The following ARMC2 variants were observed in gnomAD, a reference collection of about 807,000 sequenced individuals.
The protein encoded by ARMC2 is armadillo repeat containing 2, also known as armadillo repeat-containing protein 2.
ARMC2 carries 67 observed loss-of-function variants against 90.3 expected under a neutral mutation model. The observed-to-expected ratio is 0.74, with a 90% CI of 0.61 to 0.91. The LOEUF is 0.91. ARMC2 is among the 40% of genes least tolerant of loss of function. The probability of loss-of-function intolerance (pLI) is 0.00; values close to 1 mark genes in which losing one functional copy is unlikely to be tolerated. For missense variants in ARMC2, 920 were observed against 1,030.9 expected (o/e 0.89, Z 1.47); for synonymous variants, 393 against 393.0 (o/e 1.00, Z 0.00).
chr6:108,883,077 G>T (rs1467956159), intron 5 of ARMC2, among the ~76,000 whole-genome samples: 1 of 152,198 alleles, frequency 6.6e-6, no homozygotes, highest in African/African-American at 2.4e-5. Context: ...GCGGGCAAAT[G>T]GAAGAAAGTT....
chr6:108,938,285 T>A (rs1198697886), intron 12 of ARMC2, among the ~76,000 whole-genome samples: 1 of 152,194 alleles, frequency 6.6e-6, no homozygotes, highest in Non-Finnish European at 1.5e-5. Flanking sequence ...CTCTGTTTGT[T>A]ACTGACTAGC....
intron 12 of ARMC2, among the ~76,000 whole-genome samples, chr6:108,946,260 G>T (rs1212195460): frequency 6.6e-6 from 1 of 152,222 alleles, no homozygotes; most frequent in Non-Finnish European, 1.5e-5. Flanking sequence ...GTGACATTCA[G>T]AGGCATATCG....
At position 108,910,936 on chromosome 6, in the gene ARMC2, A is replaced by C. The variant is rs1464481133; in HGVS notation, c.1061A>C (p.Lys354Thr). ...VSRKNLLNVC[K>T]LIFKISRNEK... is the part of the protein sequence containing the mutation. ...AGAAAGAATCTTCTTAATGTCTGCA[A>C]ACTTATATTTAAAATTAGCAGGAAT... is the stretch of plus-strand genomic sequence containing the variant. Residue 354 changes from lysine (K) to threonine (T), a missense_variant, in exon 9 of 18, where the codon AAA becomes ACA. Lys to Thr is a moderately conservative substitution (Grantham distance 78). Transcript: ENST00000392644. The C allele has an allele frequency of 6.3e-7, 1 of 1,581,274 alleles. No individual in the cohort carries two copies. The highest frequency in any genetic ancestry group is 1.3e-5 in the African/African-American group (1 of 74,396).
At chr6:108,917,338 T>C (rs1254272551) in intron 10 of ARMC2, among the ~76,000 whole-genome samples, 1 of 151,954 alleles carries the variant, frequency 6.6e-6, no homozygotes, top group Non-Finnish European at 1.5e-5. Flanking sequence ...CTCAGTACCA[T>C]ACCACTGTCA....
At chr6:108,880,924 T>C (rs558707246) in intron 5 of ARMC2, among the ~76,000 whole-genome samples, 1 of 152,042 alleles carries the variant, frequency 6.6e-6, no homozygotes, top group Non-Finnish European at 1.5e-5. Context: ...GGCACAATCT[T>C]GGCTCACTGC....
chr6:108,982,585 C>G, the ARMC2 span, among the ~76,000 whole-genome samples: 1 of 152,172 alleles, frequency 6.6e-6, no homozygotes, highest in Non-Finnish European at 1.5e-5. Flanking sequence ...TACATTGTTA[C>G]CAATGCCACA....
chr6:108,874,938 T>A (rs1776791755), intron 4 of ARMC2, among the ~76,000 whole-genome samples: 1 of 152,166 alleles, frequency 6.6e-6, no homozygotes, highest in African/African-American at 2.4e-5. Context: ...AATAGGTGGT[T>A]TTGTTATTAT....
chr6:108,867,801 G>T (rs1320196147), intron 3 of ARMC2, among the ~76,000 whole-genome samples: 1 of 151,278 alleles, frequency 6.6e-6, no homozygotes, highest in African/African-American at 2.4e-5. Flanking sequence ...TGGGTGTGGT[G>T]GCAAGCTCCT....
chr6:108,959,826 C>G (rs977966281), intron 13 of ARMC2, among the ~76,000 whole-genome samples: 6 of 152,184 alleles, frequency 3.9e-5, no homozygotes, highest in Admixed American at 2.0e-4. Flanking sequence ...GCTGAGATTA[C>G]AGGCTTGTGC....
chr6:108,961,775 A>T, intron 14 of ARMC2, 81 bp downstream of exon 14: 1 of 1,429,234 alleles, frequency 7.0e-7, no homozygotes, highest in Non-Finnish European at 9.4e-7. Context: ...AGCAGGAGAC[A>T]TTACTATCTT....
chr6:108,878,716 C>G (rs1777173878), intron 5 of ARMC2, among the ~76,000 whole-genome samples: 3 of 152,182 alleles, frequency 2.0e-5, no homozygotes, highest in African/African-American at 7.2e-5. Context: ...ACGGAACTGT[C>G]ATCCTCAAAC....
chr6:108,851,769 T>G (rs1478584937), intron 1 of ARMC2, among the ~76,000 whole-genome samples: 1 of 152,174 alleles, frequency 6.6e-6, no homozygotes, highest in Non-Finnish European at 1.5e-5. Context: ...AGACCTCATC[T>G]CTAGTTATTA....
chr6:109,000,826 T>A, the ARMC2 span, among the ~76,000 whole-genome samples: 14 of 152,302 alleles, frequency 9.2e-5, no homozygotes, highest in South Asian at 2.7e-3. Context: ...ATAAACATTT[T>A]AAAAATTCAA....
intron 5 of ARMC2, among the ~76,000 whole-genome samples, chr6:108,877,183 G>A (rs1357947092): frequency 6.6e-6 from 1 of 152,174 alleles, no homozygotes; most frequent in African/African-American, 2.4e-5. Context: ...ATGGATAACT[G>A]CCCGGTTCAG....
In ARMC2 at chr6:108,879,075, G is replaced by A. The variant is rs144656517; in HGVS notation, c.671+2725G>A. Among the ~76,000 whole-genome samples, 11 of 140,988 alleles carry A rather than the reference G, an allele frequency of 7.8e-5. No individual in the cohort carries two copies. The East Asian group carries it at 1.1e-3, about 14-fold the overall frequency. The allele number at this position is 140,988 out of a possible 152,430, so 92.5% of individuals were successfully genotyped here. ...CATCTGCCCATCCACCCACCCATCC[G>A]TCTACCTACCCACCCATCTGTCATC... On this transcript the variant is annotated intron_variant, in intron 5 of 17. Transcript: ENST00000392644.
At chr6:108,926,258 C>G (rs1775094312) in intron 10 of ARMC2, among the ~76,000 whole-genome samples, 1 of 152,306 alleles carries the variant, frequency 6.6e-6, no homozygotes, top group Admixed American at 6.5e-5. Context: ...CATCTGTACT[C>G]TTCCGTCTCC....
intron 3 of ARMC2, among the ~76,000 whole-genome samples, chr6:108,862,423 A>C (rs1471296710): frequency 1.3e-5 from 2 of 152,126 alleles, no homozygotes; most frequent in African/African-American, 4.8e-5. Context: ...ATTTTAAGGA[A>C]AGTGACTGCT....
At chr6:109,020,041 C>A in the ARMC2 span, among the ~76,000 whole-genome samples, 1 of 152,160 alleles carries the variant, frequency 6.6e-6, no homozygotes, top group Non-Finnish European at 1.5e-5. Context: ...CAGCAGGATG[C>A]AGTTCAAATA....
At chr6:109,036,310 T>C in the ARMC2 span, among the ~76,000 whole-genome samples, 3 of 152,230 alleles carry the variant, frequency 2.0e-5, no homozygotes, top group Admixed American at 2.0e-4. Flanking sequence ...GGCTTTACGA[T>C]TTGTCTGAGT....
Sources: gnomAD v4.1 joint callset for allele counts (sites outside exome capture counted in the v4.1 genomes callset) on GRCh38, gnomAD v4.1.1 for gene constraint, MANE v1.5 for transcripts, NCBI Gene and HGNC (gene_info 2026-07-23, HGNC 2026-07-21) for gene names.